The following CD8B2 variants were observed in gnomAD, a reference collection of about 807,000 sequenced individuals.
The protein encoded by CD8B2 is CD8B family member 2.
A neutral mutation model predicts 23.7 loss-of-function variants in CD8B2; 11 were observed. The ratio of observed to expected loss-of-function variants is 0.46; its 90% CI spans 0.29 to 0.77. The LOEUF (loss-of-function observed/expected upper bound fraction) is 0.77, where lower values mean the gene tolerates loss of function less well. Ranked by LOEUF, CD8B2 falls within the 30% of genes least tolerant of loss-of-function variation. The pLI is 0.09. For synonymous variants in CD8B2, 90 were observed against 109.3 expected (o/e 0.82, Z 1.10); for missense variants, 197 against 270.5 (o/e 0.73, Z 1.91).
At chr2:106,518,732 TTCTC>T (rs944148404) in intron 5 of CD8B2, among the ~76,000 whole-genome samples, 6 of 151,434 alleles carry the variant, frequency 4.0e-5, no homozygotes, top group African/African-American at 1.5e-4. Flanking sequence ...CTGTCTCCTT[TTCTC>T]TCTACTTATC....
At chr2:106,527,610 C>G (rs1248008915) in intron 5 of CD8B2, among the ~76,000 whole-genome samples, 5 of 152,170 alleles carry the variant, frequency 3.3e-5, no homozygotes, top group Non-Finnish European at 7.3e-5. Flanking sequence ...TGGTGAAACC[C>G]TGTCTCTACT....
At chr2:106,527,853 G>A (rs544913021) in intron 5 of CD8B2, among the ~76,000 whole-genome samples, 2 of 152,162 alleles carry the variant, frequency 1.3e-5, no homozygotes, top group Admixed American at 6.5e-5. Flanking sequence ...ACCCAGCCTC[G>A]CAGGGAGGAG....
intron 3 of CD8B2, among the ~76,000 whole-genome samples, chr2:106,497,120 T>TA (rs1317575038): frequency 6.6e-6 from 1 of 152,010 alleles, no homozygotes; most frequent in African/African-American, 2.4e-5. Flanking sequence ...TACAAAAATG[T>TA]AAAAAAATTA....
chr2:106,497,001 G>A (rs1156376977), intron 3 of CD8B2, among the ~76,000 whole-genome samples: 1 of 152,340 alleles, frequency 6.6e-6, no homozygotes, highest in East Asian at 1.9e-4. Flanking sequence ...TTGGCCAGAC[G>A]TGGTGGCTCA....
At position 106,507,101 on chromosome 2, in the gene CD8B2, G is replaced by T; in HGVS notation, c.*161G>T. 1.3e-6 allele frequency: 2 copies of T among 1,504,258 alleles called. No homozygotes were observed. Among genetic ancestry groups the T allele is most frequent in the South Asian group, 1.4e-5 (1 of 71,660 alleles). 93.2% of individuals were successfully genotyped at this position (1,504,258 alleles called of 1,614,324 possible). On this transcript the variant is annotated 3_prime_UTR_variant, in exon 6 of 6. Coordinates refer to ENST00000643224, the MANE Select transcript of CD8B2 (RefSeq NM_001349727.2). The stretch of plus-strand genomic sequence containing the variant: ...TGCAAGGCCTTTCTGTGTGTGACGT[G>T]CATGGGAGCAACTTGTTTGTGGGTC...
At chr2:106,529,572 A>T (rs374519627) in intron 5 of CD8B2, among the ~76,000 whole-genome samples, 1 of 152,168 alleles carries the variant, frequency 6.6e-6, no homozygotes, top group African/African-American at 2.4e-5. Flanking sequence ...TACTTCTTTA[A>T]TGCTTCTTAA....
At chr2:106,493,538 T>C (rs78441477) in intron 2 of CD8B2, among the ~76,000 whole-genome samples, 38,766 of 91,964 alleles carry the variant, frequency 0.42, 5,252 homozygotes, top group African/African-American at 0.44. Flanking sequence ...AGAAAATAAG[T>C]CAAACAGAAC....
chr2:106,507,435 G>A lies in CD8B2; in HGVS notation c.*495G>A. On this transcript the variant is annotated 3_prime_UTR_variant, in exon 6 of 6. Transcript: ENST00000643224. Reference sequence around the variant, plus strand: ...GGTTGGGAATGAGGCTTGCTGAGAGGGGCTGTCCAGTTCCCAGAAGCCATG... The same window carrying A: ...GGTTGGGAATGAGGCTTGCTGAGAGAGGCTGTCCAGTTCCCAGAAGCCATG... The A allele has an allele frequency of 1.0e-6, 1 of 985,836 alleles. No individual in the cohort carries two copies. The highest frequency in any genetic ancestry group is 1.2e-6 in the Non-Finnish European group (1 of 830,266). The allele number at this position is 985,836 out of a possible 1,614,324, so 61.1% of individuals were successfully genotyped here.
intron 3 of CD8B2, among the ~76,000 whole-genome samples, chr2:106,499,109 G>C (rs1430449396): frequency 6.6e-6 from 1 of 152,142 alleles, no homozygotes; most frequent in Non-Finnish European, 1.5e-5. Context: ...ATGGGAGACA[G>C]TGCTCCAGAG....
chr2:106,537,492 T>A (rs576479937), intron 5 of CD8B2, among the ~76,000 whole-genome samples: 1 of 152,118 alleles, frequency 6.6e-6, no homozygotes, highest in Non-Finnish European at 1.5e-5. Context: ...AAGTACAGTA[T>A]GCACAGAAAT....
In CD8B2 at chr2:106,491,121, C is replaced by G; in HGVS notation, c.291C>G (p.Ser97Arg). The change falls in exon 2 of 6, where the codon AGC (serine) becomes AGG (arginine). Residue 97 changes from serine to arginine, a missense_variant. Ser to Arg is a moderately radical substitution (Grantham distance 110). Around this residue, in one of 3 missense-constraint regions of CD8B2, gnomAD observed 140 missense variants for 164.2 expected, o/e 0.85. Coordinates refer to ENST00000643224, the MANE Select transcript of CD8B2 (RefSeq NM_001349727.2). ...QEKIAVFRDA[S>R]RFILNLTSVK... ...AGATAGCTGTGTTTCGGGATGCAAG[C>G]CGGTTCATTCTCAATCTCACAAGCG... is the stretch of plus-strand genomic sequence containing the variant. 7 of 1,613,794 alleles carry G rather than the reference C, an allele frequency of 4.3e-6. No individual in the cohort carries two copies. Among genetic ancestry groups the G allele is most frequent in the Non-Finnish European group, 5.9e-6 (7 of 1,179,706 alleles).
intron 5 of CD8B2, among the ~76,000 whole-genome samples, chr2:106,520,799 G>T (rs190032284): frequency 0.013 from 1,911 of 152,226 alleles, 14 homozygotes; most frequent in Non-Finnish European, 0.02. Context: ...GAACCTGGGA[G>T]GTGGAGGTTG....
In CD8B2 at chr2:106,509,825, A is replaced by G. The variant is rs1679588616; in HGVS notation, c.*2885A>G. On this transcript the variant is annotated 3_prime_UTR_variant, in exon 6 of 6. Coordinates refer to ENST00000643224, the MANE Select transcript of CD8B2 (RefSeq NM_001349727.2). ...CAGCTATCTTTTGACTAGCAGTTCC[A>G]CTTGTTGGCATTTATCTGAAAGAAA... is the stretch of plus-strand genomic sequence containing the variant. 1 of 152,244 alleles carries G rather than the reference A, an allele frequency of 6.6e-6. No individual in the cohort carries two copies. The highest frequency in any genetic ancestry group is 2.4e-5 in the African/African-American group (1 of 41,462). The allele number at this position is 152,244 out of a possible 1,614,324, so 9.4% of individuals were successfully genotyped here.
At chr2:106,543,346 A>G (rs1408391638) in intron 5 of CD8B2, 3 of 152,122 alleles carry the variant, frequency 2.0e-5, no homozygotes, top group Non-Finnish European at 1.5e-5. Flanking sequence ...GGGCAATATA[A>G]TAAGAACCCC....
In CD8B2 at chr2:106,509,725, T is replaced by A. The variant is rs1052433707; in HGVS notation, c.*2785T>A. 3 of 152,086 alleles carry A rather than the reference T, an allele frequency of 2.0e-5. No homozygotes were observed. Among genetic ancestry groups the A allele is most frequent in the Non-Finnish European group, 4.4e-5 (3 of 68,012 alleles). 9.4% of individuals were successfully genotyped at this position (152,086 alleles called of 1,614,324 possible). A position where few individuals can be genotyped will look rare whatever the true frequency, so the allele number is the denominator to read the frequency against. On this transcript the variant is annotated 3_prime_UTR_variant, in exon 6 of 6. Transcript: ENST00000643224. ...AGGTCTGCACCCAGCACCTGACCTT[T>A]GTTTGAAGAAGGAACTGAGCTGCTA...
intron 5 of CD8B2, among the ~76,000 whole-genome samples, chr2:106,536,601 CTT>C (rs976315963): frequency 2.1e-4 from 32 of 152,270 alleles, no homozygotes; most frequent in African/African-American, 7.0e-4. Flanking sequence ...GTATATTCAG[CTT>C]TGCTGTAGAG....
At chr2:106,489,998 C>CA (rs1203066912) in intron 1 of CD8B2, among the ~76,000 whole-genome samples, 1 of 152,028 alleles carries the variant, frequency 6.6e-6, no homozygotes, top group African/African-American at 2.4e-5. Flanking sequence ...GATGAACTCC[C>CA]AGCCCTGCTT....
At chr2:106,537,175 T>C (rs1001909577) in intron 5 of CD8B2, among the ~76,000 whole-genome samples, 2 of 151,992 alleles carry the variant, frequency 1.3e-5, no homozygotes, top group Non-Finnish European at 2.9e-5. Context: ...GCTCTGGGCT[T>C]CCCCCCAAAT....
chr2:106,495,321 G>A (rs906043955), intron 2 of CD8B2, among the ~76,000 whole-genome samples: 2 of 152,088 alleles, frequency 1.3e-5, no homozygotes, highest in African/African-American at 4.8e-5. Flanking sequence ...TGGAGTTCAA[G>A]ACCAGCCTGG....
Sources: gnomAD v4.1 joint callset for allele counts (sites outside exome capture counted in the v4.1 genomes callset) on GRCh38, gnomAD v4.1.1 for gene constraint, gnomAD v4.1.1 regional missense constraint, MANE v1.5 for transcripts, NCBI Gene and HGNC (gene_info 2026-07-23, HGNC 2026-07-21) for gene names.